The following NR2F1-AS1 variants were observed in gnomAD, a reference collection of about 807,000 sequenced individuals.
NR2F1-AS1 encodes the protein NR2F1 regulatory antisense RNA 1.
At chr5:93,584,604 G>A (rs1413991107), upstream of NR2F1-AS1, 4 of 147,920 alleles carry the variant, frequency 2.7e-5, no homozygotes, top group Non-Finnish European at 6.0e-5. Context: ...AGCGAGAGAA[G>A]GGAGCTTGCT....
chr5:93,520,412 T>C (rs888187175), intron 4 of NR2F1-AS1, among the ~76,000 whole-genome samples: 11 of 152,134 alleles, frequency 7.2e-5, no homozygotes. Flanking sequence ...GAAACATTCC[T>C]TTAAAAGTAG....
chr5:93,548,757 G>C (rs1357377069), intron 4 of NR2F1-AS1, among the ~76,000 whole-genome samples: 1 of 151,964 alleles, frequency 6.6e-6, no homozygotes. Flanking sequence ...TGTAATCCCA[G>C]CTACTTGGGA....
At chr5:93,418,523 T>C (rs1749016305) in intron 4 of NR2F1-AS1, among the ~76,000 whole-genome samples, 1 of 151,956 alleles carries the variant, frequency 6.6e-6, no homozygotes, top group Non-Finnish European at 1.5e-5. Flanking sequence ...GAGGCAGAAG[T>C]TGCAGTAAGC....
upstream of NR2F1-AS1, chr5:93,583,612 G>C (rs1428397670): frequency 6.6e-6 from 1 of 151,594 alleles, no homozygotes; most frequent in Non-Finnish European, 1.5e-5. Context: ...TTTTTTTGGA[G>C]GGAGGGTGTT....
chr5:93,585,114 CGCGGCGGCGGCGGCG>C, upstream of NR2F1-AS1: 1 of 987,466 alleles, frequency 1.0e-6, no homozygotes. Flanking sequence ...GCAGGCGGCC[CGCGGCGGCGGCGGCG>C]GCGCCGGCGA....
chr5:93,563,770 T>C (rs1176765359), intron 1 of NR2F1-AS1, among the ~76,000 whole-genome samples: 1 of 152,030 alleles, frequency 6.6e-6, no homozygotes, highest in Non-Finnish European at 1.5e-5. Context: ...TGACCTAAAA[T>C]ACAGACAAAT....
chr5:93,459,468 C>T (rs761489887), intron 4 of NR2F1-AS1, among the ~76,000 whole-genome samples: 6 of 152,046 alleles, frequency 3.9e-5, no homozygotes, highest in African/African-American at 9.7e-5. Flanking sequence ...TTTCATACAT[C>T]GCTGGTAGAA....
chr5:93,497,903 T>A (rs578249211), intron 4 of NR2F1-AS1, among the ~76,000 whole-genome samples: 1 of 152,316 alleles, frequency 6.6e-6, no homozygotes, highest in Admixed American at 6.5e-5. Flanking sequence ...TTATAAAACA[T>A]CTCATTTTCA....
intron 4 of NR2F1-AS1, among the ~76,000 whole-genome samples, chr5:93,488,625 T>C (rs1055678194): frequency 2.0e-4 from 31 of 152,228 alleles, no homozygotes; most frequent in African/African-American, 6.7e-4. Context: ...TGTGGAGAAA[T>C]AGGAAAGCTT....
At chr5:93,563,962 C>CGTA (rs1752553664) in intron 1 of NR2F1-AS1, among the ~76,000 whole-genome samples, 1 of 151,436 alleles carries the variant, frequency 6.6e-6, no homozygotes, top group Non-Finnish European at 1.5e-5. Flanking sequence ...ATTAGCCTGG[C>CGTA]GTAGTGGCTG....
chr5:93,585,581 G>A, upstream of NR2F1-AS1: 1 of 996,446 alleles, frequency 1.0e-6, no homozygotes, highest in South Asian at 1.6e-5. Flanking sequence ...GTGGGGCTGG[G>A]GCTCCTGTGG....
chr5:93,575,105 G>A (rs1267444485), intron 1 of NR2F1-AS1, among the ~76,000 whole-genome samples: 1 of 152,228 alleles, frequency 6.6e-6, no homozygotes, highest in African/African-American at 2.4e-5. Context: ...GTTGAGATGG[G>A]AACTTGTATC....
chr5:93,508,636 T>C (rs1258238518), intron 4 of NR2F1-AS1, among the ~76,000 whole-genome samples: 1 of 151,838 alleles, frequency 6.6e-6, no homozygotes, highest in Non-Finnish European at 1.5e-5. Flanking sequence ...GAAACCTCTA[T>C]AAATAGATAC....
intron 4 of NR2F1-AS1, among the ~76,000 whole-genome samples, chr5:93,486,522 C>T (rs1199949315): frequency 6.6e-6 from 1 of 152,144 alleles, no homozygotes; most frequent in African/African-American, 2.4e-5. Flanking sequence ...TCGACACATA[C>T]ACCCTCCCAA....
At chr5:93,570,301 C>G in intron 1 of NR2F1-AS1, 1 of 152,414 alleles carries the variant, frequency 6.6e-6, no homozygotes, top group East Asian at 1.9e-4. Context: ...TGCTTCCTAC[C>G]CCTACCAGCA....
chr5:93,478,226 A>G (rs1261140850), intron 4 of NR2F1-AS1, among the ~76,000 whole-genome samples: 2 of 152,160 alleles, frequency 1.3e-5, no homozygotes, highest in East Asian at 3.9e-4. Context: ...TGTCAGCAAT[A>G]AGAGAAAAGA....
intron 1 of NR2F1-AS1, among the ~76,000 whole-genome samples, chr5:93,566,682 A>G (rs1358617902): frequency 1.3e-5 from 2 of 151,874 alleles, no homozygotes; most frequent in East Asian, 1.9e-4. Context: ...CAATTGGGCA[A>G]TCAATATCAA....
chr5:93,423,952 A>C (rs1749143045), intron 4 of NR2F1-AS1, among the ~76,000 whole-genome samples: 1 of 152,184 alleles, frequency 6.6e-6, no homozygotes, highest in African/African-American at 2.4e-5. Flanking sequence ...TCATTTCATT[A>C]AACCCACAAG....
chr5:93,485,106 A>G (rs1364331845), intron 4 of NR2F1-AS1, among the ~76,000 whole-genome samples: 1 of 152,222 alleles, frequency 6.6e-6, no homozygotes, highest in African/African-American at 2.4e-5. Flanking sequence ...GCTCTGGACC[A>G]AGCAGACCTA....
Sources: allele counts gnomAD v4.1 joint callset (sites outside exome capture counted in the v4.1 genomes callset), GRCh38; gene constraint gnomAD v4.1.1; transcripts MANE v1.5; gene names NCBI Gene and HGNC (gene_info 2026-07-23, HGNC 2026-07-21).